The following RBM28 variants were observed in gnomAD, a reference collection of about 807,000 sequenced individuals.
RBM28 encodes the protein RNA-binding protein 28.
A neutral mutation model predicts 98.3 loss-of-function variants in RBM28; 78 were observed. That is an observed-to-expected ratio of 0.79 (90% CI 0.66 to 0.96). The LOEUF is 0.96. RBM28 is among the 40% of genes least tolerant of loss of function. RBM28 has a pLI of 0.00. For missense variants in RBM28, 838 were observed against 913.0 expected, an observed-to-expected ratio of 0.92 and a Z score of 1.06; for synonymous variants, 306 against 330.9, an observed-to-expected ratio of 0.92 and a Z score of 0.82.
chr7:128,313,034 A>G lies in RBM28; in HGVS notation c.2145+141T>C. ...TTTCTCTCCACTTTTAAGATTGTAT[A>G]GCTCAACATTCTCTAAAAAGCTACC... On this transcript the variant is annotated intron_variant, in intron 18 of 18. Coordinates refer to ENST00000223073, the MANE Select transcript of RBM28 (RefSeq NM_018077.3). 1.2e-5 allele frequency: 10 copies of G among 823,098 alleles called. No homozygotes were observed. The South Asian group carries it at 1.5e-4, about 12-fold the overall frequency. The allele number at this position is 823,098 out of a possible 1,614,324, so 51.0% of individuals were successfully genotyped here.
rs1260526403 is a variant in RBM28, at chr7:128,313,175, C to G, written c.2145G>C (p.Gln715His). The G allele has an allele frequency of 6.2e-7, 1 of 1,613,196 alleles. No homozygotes were observed. The highest frequency in any genetic ancestry group is 8.5e-7 in the Non-Finnish European group (1 of 1,179,256). The change falls in exon 18 of 19, where the codon CAG (glutamine) becomes CAC (histidine). Residue 715 changes from glutamine to histidine, a missense_variant and splice_region_variant. Gln to His is a conservative substitution (Grantham distance 24). Transcript: ENST00000223073. ...AAGCTGTATGTCCTGCAGAACTCAC[C>G]TGCTCGGACGATAATTGCTGCTTCT... is the stretch of plus-strand genomic sequence containing the variant. Reference protein sequence around the residue: ...KQEKQQLSSEQVSRKKAKGNK... With the variant: ...KQEKQQLSSEHVSRKKAKGNK...
At chr7:128,342,235 T>C (rs944356450) in intron 1 of RBM28, among the ~76,000 whole-genome samples, 2 of 152,232 alleles carry the variant, frequency 1.3e-5, no homozygotes, top group African/African-American at 2.4e-5. Flanking sequence ...ATCTGCAGTT[T>C]AATAAACATT....
At chr7:128,333,259 CA>C in intron 9 of RBM28, 30 bp downstream of exon 9, 1 of 1,530,982 alleles carries the variant, frequency 6.5e-7, no homozygotes, top group Non-Finnish European at 9.1e-7. Context: ...GAAGACCACG[CA>C]AAAGCAATTC....
chr7:128,331,904 A>C (rs938041165), intron 9 of RBM28, among the ~76,000 whole-genome samples: 3 of 152,226 alleles, frequency 2.0e-5, no homozygotes, highest in African/African-American at 7.2e-5. Flanking sequence ...CCCAGATAAA[A>C]AAGGTTTTCT....
chr7:128,343,420 T>C (rs1254512657), intron 1 of RBM28, among the ~76,000 whole-genome samples: 3 of 152,242 alleles, frequency 2.0e-5, no homozygotes, highest in Admixed American at 2.0e-4. Context: ...TAAGTCTTAC[T>C]GATGCTCTAG....
chr7:128,326,519 A>G (rs1413107311), intron 10 of RBM28, among the ~76,000 whole-genome samples: 2 of 152,194 alleles, frequency 1.3e-5, no homozygotes, highest in African/African-American at 4.8e-5. Flanking sequence ...ACAACTGCCT[A>G]CAACATTCAG....
At chr7:128,314,696 A>G in intron 17 of RBM28, 68 bp downstream of exon 17, 4 of 1,606,520 alleles carry the variant, frequency 2.5e-6, no homozygotes, top group Non-Finnish European at 3.4e-6. Flanking sequence ...AAGAGAAAAT[A>G]ACTCAGCAAA....
intron 9 of RBM28, among the ~76,000 whole-genome samples, chr7:128,331,347 A>AG: frequency 6.6e-6 from 1 of 150,806 alleles, no homozygotes; most frequent in South Asian, 2.1e-4. Context: ...AAAAAAAAAA[A>AG]GTGGTGTCCC....
intron 10 of RBM28, among the ~76,000 whole-genome samples, chr7:128,328,466 A>C (rs1191576544): frequency 1.3e-5 from 2 of 152,222 alleles, no homozygotes; most frequent in East Asian, 3.8e-4. Context: ...AGGCTGCATG[A>C]GTAGGCAAAA....
At chr7:128,337,408 C>T (rs186084668) in intron 5 of RBM28, among the ~76,000 whole-genome samples, 3 of 152,224 alleles carry the variant, frequency 2.0e-5, no homozygotes, top group East Asian at 3.9e-4. Flanking sequence ...AGAAATTTTG[C>T]CTTTCTACAT....
At chr7:128,325,402 A>C (rs981595317) in intron 11 of RBM28, among the ~76,000 whole-genome samples, 1 of 152,240 alleles carries the variant, frequency 6.6e-6, no homozygotes, top group African/African-American at 2.4e-5. Flanking sequence ...GCAATATTAG[A>C]TAACATTATA....
intron 8 of RBM28, among the ~76,000 whole-genome samples, 154 bp from the exon 9 acceptor site, chr7:128,333,516 G>A (rs1029344458): frequency 3.3e-5 from 5 of 152,140 alleles, no homozygotes; most frequent in Non-Finnish European, 5.9e-5. Context: ...TCAGGAGTTC[G>A]AGACCAGCCT....
intron 15 of RBM28, 32 bp downstream of exon 15, chr7:128,317,914 AGTGGTCCTAAG>A: frequency 6.2e-7 from 1 of 1,609,310 alleles, no homozygotes. Context: ...GTTTCCTGCA[AGTGGTCCTAAG>A]GGAACAAGTC....
intron 9 of RBM28, among the ~76,000 whole-genome samples, chr7:128,331,444 C>T (rs1796478887): frequency 1.3e-5 from 2 of 151,998 alleles, no homozygotes; most frequent in African/African-American, 4.8e-5. Context: ...TCTTTGACAA[C>T]TTTGATTCTG....
chr7:128,338,896 G>T, intron 3 of RBM28, 95 bp from the exon 4 acceptor site: 2 of 930,128 alleles, frequency 2.2e-6, no homozygotes, highest in Non-Finnish European at 3.5e-6. Flanking sequence ...TGAAAAACAT[G>T]AATGTTTACT....
At chr7:128,327,558 T>C (rs758020916) in intron 10 of RBM28, among the ~76,000 whole-genome samples, 1 of 152,164 alleles carries the variant, frequency 6.6e-6, no homozygotes, top group Non-Finnish European at 1.5e-5. Flanking sequence ...TGGAGTCTAA[T>C]GGCTCAATCT....
At chr7:128,321,170 C>A (rs1796224143) in intron 14 of RBM28, 96 bp downstream of exon 14, 1 of 1,536,554 alleles carries the variant, frequency 6.5e-7, no homozygotes, top group Non-Finnish European at 8.9e-7. Flanking sequence ...CGTCTCAAAA[C>A]AAACAAACAA....
chr7:128,331,118 G>C (rs1358098913), intron 9 of RBM28, among the ~76,000 whole-genome samples, 190 bp from the exon 10 acceptor site: 1 of 152,150 alleles, frequency 6.6e-6, no homozygotes, highest in South Asian at 2.1e-4. Context: ...TCTTTCTCAG[G>C]AATCTGAAAA....
chr7:128,314,716 G>A (rs190348317), intron 17 of RBM28, 48 bp downstream of exon 17: 46 of 1,613,626 alleles, frequency 2.9e-5, no homozygotes, highest in African/African-American at 9.3e-5. Context: ...AAACAAACCC[G>A]CTTAGAACCC....
Sources: allele counts gnomAD v4.1 joint callset (sites outside exome capture counted in the v4.1 genomes callset), GRCh38; gene constraint gnomAD v4.1.1; transcripts MANE v1.5; gene names NCBI Gene and HGNC (gene_info 2026-07-23, HGNC 2026-07-21).